The following IL17F variants were observed in gnomAD, a reference collection of about 807,000 sequenced individuals.
IL17F encodes the protein interleukin-17F.
In IL17F, 6 loss-of-function variants were observed where a neutral mutation model predicts 8.3. The ratio of observed to expected loss-of-function variants is 0.73; its 90% CI spans 0.40 to 1.43. IL17F has a LOEUF of 1.43. Ranked by LOEUF, IL17F falls within the 40% of genes most tolerant of loss-of-function variation. The pLI, the probability that IL17F is intolerant of heterozygous loss-of-function variation, is 0.02. For missense variants in IL17F, 204 were observed against 209.6 expected (o/e 0.97, Z 0.17); for synonymous variants, 98 against 81.6 (o/e 1.20, Z -1.08).
At chr6:52,243,142 A>G (rs1431737255) in intron 1 of IL17F, among the ~76,000 whole-genome samples, 2 of 152,348 alleles carry the variant, frequency 1.3e-5, no homozygotes, top group African/African-American at 4.8e-5. Flanking sequence ...TAACACATAA[A>G]TATAAAATAA....
At chr6:52,242,897 G>A (rs1764097641) in intron 1 of IL17F, among the ~76,000 whole-genome samples, 1 of 152,162 alleles carries the variant, frequency 6.6e-6, no homozygotes, top group African/African-American at 2.4e-5. Context: ...AAATCTGCCA[G>A]TACAGAGTAT....
intron 1 of IL17F, among the ~76,000 whole-genome samples, chr6:52,240,787 C>A (rs1764059658): frequency 1.3e-5 from 2 of 151,896 alleles, no homozygotes; most frequent in African/African-American, 4.8e-5. Flanking sequence ...TAGCTCTTGA[C>A]TTTACAGTGT....
rs777063605 is a variant in IL17F at position 52,238,853 on chromosome 6, G to C, written c.131C>G (p.Pro44Arg). ...PKVGHTFFQK[P>R]ESCPPVPGGS... ...TCCTGGCACAGGCGGGCAACTCTCA[G>C]GCTTTTGGAAAAAAGTATGTCCTAC... Residue 44 changes from proline to arginine, a missense_variant, in exon 2 of 3, where the codon CCT becomes CGT. Coordinates refer to ENST00000336123, the MANE Select transcript of IL17F (RefSeq NM_052872.4). 16 of 1,614,026 alleles carry C rather than the reference G, an allele frequency of 9.9e-6. No individual in the cohort carries two copies. The highest frequency in any genetic ancestry group is 1.4e-5 in the Non-Finnish European group (16 of 1,179,918).
intron 1 of IL17F, among the ~76,000 whole-genome samples, chr6:52,244,092 G>A (rs1046814598): frequency 5.3e-5 from 8 of 151,514 alleles, no homozygotes; most frequent in East Asian, 1.9e-4. Context: ...ACCGGGTTTC[G>A]CTATGTTGGT....
intron 1 of IL17F, among the ~76,000 whole-genome samples, chr6:52,242,988 CA>C (rs1026804964): frequency 2.0e-5 from 3 of 152,154 alleles, no homozygotes; most frequent in African/African-American, 7.2e-5. Context: ...CCCCACCATA[CA>C]GTTGAGGAAA....
rs776112065 is a variant in IL17F, at chr6:52,236,880, G to A, written c.*51C>T. The A allele has an allele frequency of 7.7e-6, 11 of 1,422,504 alleles. No individual in the cohort carries two copies. The highest frequency in any genetic ancestry group is 1.1e-5 in the South Asian group (1 of 87,032). The allele number at this position is 1,422,504 out of a possible 1,614,324, so 88.1% of individuals were successfully genotyped here. ...AGACAGGACTTGTTGCAGAGCACTG[G>A]GTAAGGAGTGGCATTTCTACAGCTT... On this transcript the variant is annotated 3_prime_UTR_variant, in exon 3 of 3. Transcript: ENST00000336123.
intron 1 of IL17F, among the ~76,000 whole-genome samples, chr6:52,243,195 A>G (rs943684955): frequency 2.6e-5 from 4 of 152,224 alleles, no homozygotes; most frequent in Non-Finnish European, 4.4e-5. Context: ...ATGATATTCA[A>G]GCTCTTTTAA....
chr6:52,245,460 T>A (rs183519896), upstream of IL17F, among the ~76,000 whole-genome samples: 43 of 152,356 alleles, frequency 2.8e-4, no homozygotes, highest in Non-Finnish European at 2.9e-5. Flanking sequence ...CACTAATTTA[T>A]ATTTACCAGT....
chr6:52,244,035 A>G (rs910842487), intron 1 of IL17F, among the ~76,000 whole-genome samples: 1 of 152,166 alleles, frequency 6.6e-6, no homozygotes, highest in South Asian at 2.1e-4. Flanking sequence ...CTGGGATTAC[A>G]GGCGTGAGCC....
intron 1 of IL17F, among the ~76,000 whole-genome samples, chr6:52,244,104 A>G (rs11465539): frequency 5.9e-5 from 9 of 152,108 alleles, no homozygotes; most frequent in African/African-American, 2.2e-4. Context: ...TATGTTGGTC[A>G]GGCTGGTCTC....
Position 52,236,949 on chromosome 6 carries a change from G to T in IL17F, c.474C>A (p.Val158=). ...VTVGCTCVTP[V]IHHVQ is the part of the protein sequence containing the mutation. ...GCACCTCTTACTGCACATGGTGGAT[G>T]ACAGGGGTGACGCAGGTGCAGCCAA... Residue 158 remains valine (V), a synonymous_variant, in exon 3 of 3, where the codon GTC becomes GTA. Coordinates refer to ENST00000336123, the MANE Select transcript of IL17F (RefSeq NM_052872.4). 6.2e-7 allele frequency: 1 copy of T among 1,613,844 alleles called. No homozygotes were observed. The highest frequency in any genetic ancestry group is 1.1e-5 in the South Asian group (1 of 91,052).
In IL17F at chr6:52,236,833, G is replaced by C; in HGVS notation, c.*98C>G. ...GTGCAGGTCTTATTAAGAGTCCTGT[G>C]AAGTGGAGGGAATTGGGGGTCAGAC... On this transcript the variant is annotated 3_prime_UTR_variant, in exon 3 of 3. Coordinates refer to ENST00000336123, the MANE Select transcript of IL17F (RefSeq NM_052872.4). 2.2e-6 allele frequency: 2 copies of C among 906,598 alleles called. No individual in the cohort carries two copies. The highest frequency in any genetic ancestry group is 1.9e-6 in the Non-Finnish European group (1 of 536,352). 56.2% of individuals were successfully genotyped at this position (906,598 alleles called of 1,614,324 possible).
At chr6:52,243,040 A>T (rs1206488244) in intron 1 of IL17F, among the ~76,000 whole-genome samples, 1 of 152,194 alleles carries the variant, frequency 6.6e-6, no homozygotes, top group Non-Finnish European at 1.5e-5. Context: ...CAAAAATCCT[A>T]CATTTAGCAA....
At chr6:52,239,088 AAATGGG>A (rs1764023355) in intron 1 of IL17F, 138 bp from the exon 2 acceptor site, 1 of 762,756 alleles carries the variant, frequency 1.3e-6, no homozygotes, top group Non-Finnish European at 2.3e-6. Context: ...CCTCACCTGG[AAATGGG>A]AACACTCACA....
At position 52,236,964 on chromosome 6, in the gene IL17F, G is replaced by A. The variant is rs1414979462; in HGVS notation, c.459C>T (p.Thr153=). 1 of 1,614,140 alleles carries A rather than the reference G, an allele frequency of 6.2e-7. No individual in the cohort carries two copies. Among genetic ancestry groups the A allele is most frequent in the African/African-American group, 1.3e-5 (1 of 75,040 alleles). ...LEKVLVTVGC[T]CVTPVIHHVQ ...CATGGTGGATGACAGGGGTGACGCA[G>A]GTGCAGCCAACAGTCACCAGCACCT... The change falls in exon 3 of 3, where the codon ACC becomes ACT. Residue 153 remains threonine, a synonymous_variant. Coordinates refer to ENST00000336123, the MANE Select transcript of IL17F (RefSeq NM_052872.4).
At chr6:52,238,217 G>C (rs578233660) in intron 2 of IL17F, among the ~76,000 whole-genome samples, 5 of 152,202 alleles carry the variant, frequency 3.3e-5, no homozygotes, top group Non-Finnish European at 5.9e-5. Context: ...GAGAGTATGA[G>C]GGAGTGCTTG....
intron 1 of IL17F, among the ~76,000 whole-genome samples, chr6:52,242,769 T>C (rs1281893968): frequency 6.6e-6 from 1 of 152,226 alleles, no homozygotes; most frequent in Admixed American, 6.5e-5. Context: ...TGATCAGAAT[T>C]TCCAGGACAA....
intron 1 of IL17F, among the ~76,000 whole-genome samples, chr6:52,240,885 CAA>C (rs58169108): frequency 1.4e-5 from 2 of 138,736 alleles, no homozygotes. Context: ...TCTGTTTCCT[CAA>C]AAAAAAAAAA....
chr6:52,239,748 T>G (rs2128268037), intron 1 of IL17F, among the ~76,000 whole-genome samples: 1 of 152,198 alleles, frequency 6.6e-6, no homozygotes, highest in Non-Finnish European at 1.5e-5. Flanking sequence ...AGTGAATGAG[T>G]GAATGAATGA....
Sources: allele counts gnomAD v4.1 joint callset (sites outside exome capture counted in the v4.1 genomes callset), GRCh38; gene constraint gnomAD v4.1.1; transcripts MANE v1.5; gene names NCBI Gene and HGNC (gene_info 2026-07-23, HGNC 2026-07-21).